Variants in RAPGEF5 observed in about 807,000 individuals in gnomAD.
RAPGEF5 encodes Rap guanine nucleotide exchange factor 5, also known as M-Ras-regulated GEF.
A neutral mutation model predicts 125.2 loss-of-function variants in RAPGEF5; 65 were observed. The observed-to-expected ratio is 0.52, with a 90% CI of 0.43 to 0.64. RAPGEF5 has a LOEUF of 0.64. Ranked by LOEUF, RAPGEF5 falls within the 30% of genes least tolerant of loss-of-function variation. The probability of loss-of-function intolerance (pLI) is 0.00; values close to 1 mark genes in which losing one functional copy is unlikely to be tolerated. For synonymous variants in RAPGEF5, 391 were observed against 385.9 expected, an observed-to-expected ratio of 1.01 and a Z score of -0.16; for missense variants, 958 against 1,048.1, an observed-to-expected ratio of 0.91 and a Z score of 1.19.
chr7:22,349,984 C>T (rs545454006), intron 1 of RAPGEF5, among the ~76,000 whole-genome samples: 20 of 152,292 alleles, frequency 1.3e-4, no homozygotes, highest in African/African-American at 3.6e-4. Flanking sequence ...TGTCCGTACC[C>T]ATTAACGAAT....
intron 7 of RAPGEF5, among the ~76,000 whole-genome samples, chr7:22,242,833 G>A (rs1786368531): frequency 6.6e-6 from 1 of 151,622 alleles, no homozygotes; most frequent in Non-Finnish European, 1.5e-5. Flanking sequence ...TTGGGAGGCT[G>A]AGGCAGGAGA....
rs115759706 is a variant in RAPGEF5, at chr7:22,259,498, T to C, written c.796+7466A>G. Among the ~76,000 whole-genome samples, 1,418 of 152,316 alleles carry C rather than the reference T, an allele frequency of 9.3e-3. 29 individuals are homozygous for C. The highest frequency in any genetic ancestry group is 0.032 in the African/African-American group (1,327 of 41,556). ...TTAACACATGATCTAGCAATCAAAC[T>C]CCTTGGTACTTACCCAAAAGAGATG... On this transcript the variant is annotated intron_variant, in intron 7 of 25. Coordinates refer to ENST00000665637, the MANE Select transcript of RAPGEF5 (RefSeq NM_012294.5).
At chr7:22,142,184 G>T (rs907300898) in intron 20 of RAPGEF5, among the ~76,000 whole-genome samples, 1 of 152,150 alleles carries the variant, frequency 6.6e-6, no homozygotes, top group African/African-American at 2.4e-5. Flanking sequence ...TTCACCTTAG[G>T]ATATGATGGA....
At chr7:22,139,741 G>A (rs1190073090) in intron 21 of RAPGEF5, 2 of 301,876 alleles carry the variant, frequency 6.6e-6, no homozygotes, top group South Asian at 6.4e-5. Context: ...TTCTGAGCAC[G>A]CATCATCATG....
intron 8 of RAPGEF5, among the ~76,000 whole-genome samples, chr7:22,227,589 C>T (rs1785948615): frequency 1.3e-5 from 2 of 152,168 alleles, no homozygotes; most frequent in African/African-American, 2.4e-5. Flanking sequence ...CCTGTAATCT[C>T]GGTACCTGGG....
intron 21 of RAPGEF5, 42 bp from the exon 22 acceptor site, chr7:22,137,025 T>G: frequency 6.8e-7 from 1 of 1,469,606 alleles, no homozygotes; most frequent in Non-Finnish European, 9.3e-7. Flanking sequence ...GTCACAGAAG[T>G]TGGTTATTTT....
At chr7:22,246,698 C>A (rs1405882568) in intron 7 of RAPGEF5, among the ~76,000 whole-genome samples, 1 of 152,110 alleles carries the variant, frequency 6.6e-6, no homozygotes, top group Non-Finnish European at 1.5e-5. Flanking sequence ...CCTTCAAAAG[C>A]AATTGCAGCA....
At chr7:22,356,078 C>G in intron 1 of RAPGEF5, 1 of 985,360 alleles carries the variant, frequency 1.0e-6, no homozygotes, top group Non-Finnish European at 1.2e-6. Context: ...TTAAAGATCC[C>G]AGGAGACAAT....
At chr7:22,220,716 G>GA (rs34262187) in intron 8 of RAPGEF5, among the ~76,000 whole-genome samples, 46,382 of 146,174 alleles carry the variant, frequency 0.32, 7,206 homozygotes, top group Middle Eastern at 0.4. Flanking sequence ...TTTGAAATAG[G>GA]AAAAAAAAAA....
In RAPGEF5 at chr7:22,328,682, T is replaced by C. The variant is rs376677906; in HGVS notation, c.232-10645A>G. On this transcript the variant is annotated intron_variant, in intron 1 of 25. Transcript: ENST00000665637. ...CAGAAAACAGCAAATTAAAATGCTA[T>C]CCCAATGTGTAATACCACCACTTGA... Among the ~76,000 whole-genome samples the C allele has an allele frequency of 3.9e-5, 6 of 152,334 alleles. No individual in the cohort carries two copies. In the South Asian group the frequency reaches 1.0e-3, roughly 26 times the overall value.
chr7:22,209,324 CT>C (rs961365064), intron 9 of RAPGEF5, among the ~76,000 whole-genome samples: 3 of 152,220 alleles, frequency 2.0e-5, no homozygotes, highest in Admixed American at 6.5e-5. Context: ...GGCTCAAGAT[CT>C]TCCTTTTATC....
At chr7:22,308,141 A>G (rs1783386671) in intron 5 of RAPGEF5, among the ~76,000 whole-genome samples, 198 bp downstream of exon 5, 1 of 152,248 alleles carries the variant, frequency 6.6e-6, no homozygotes, top group South Asian at 2.1e-4. Flanking sequence ...GGCTTCTGGG[A>G]TTTAAATACC....
chr7:22,266,892 C>T (rs1782295397), intron 7 of RAPGEF5, 72 bp downstream of exon 7: 1 of 1,442,402 alleles, frequency 6.9e-7, no homozygotes, highest in Non-Finnish European at 9.7e-7. Flanking sequence ...CTCAACTGCA[C>T]ACTACCAGAT....
chr7:22,160,653 T>A (rs772834302), intron 13 of RAPGEF5, 38 bp from the exon 14 acceptor site: 1 of 1,505,596 alleles, frequency 6.6e-7, no homozygotes, highest in South Asian at 1.3e-5. Flanking sequence ...AGTGGTTGAA[T>A]GCCCATTTTG....
At chr7:22,317,025 T>A (rs1783615700) in intron 2 of RAPGEF5, among the ~76,000 whole-genome samples, 1 of 151,150 alleles carries the variant, frequency 6.6e-6, no homozygotes, top group African/African-American at 2.4e-5. Context: ...ACAGAAAGTA[T>A]TACCGAGGAA....
chr7:22,245,069 T>C (rs1786440680), intron 7 of RAPGEF5, among the ~76,000 whole-genome samples: 1 of 152,234 alleles, frequency 6.6e-6, no homozygotes, highest in Non-Finnish European at 1.5e-5. Flanking sequence ...CTCTCATGAA[T>C]AGTAATATTG....
chr7:22,124,494 T>A (rs539307969), intron 25 of RAPGEF5, among the ~76,000 whole-genome samples: 2 of 152,316 alleles, frequency 1.3e-5, no homozygotes, highest in South Asian at 4.1e-4. Flanking sequence ...GAAAACATAA[T>A]CCACACAGAA....
intron 9 of RAPGEF5, among the ~76,000 whole-genome samples, chr7:22,200,020 C>T (rs1339979495): frequency 2.0e-5 from 3 of 152,148 alleles, no homozygotes; most frequent in African/African-American, 4.8e-5. Flanking sequence ...TTCCACTTTT[C>T]TCACAGAAGC....
At chr7:22,206,580 G>A (rs1004591292) in intron 9 of RAPGEF5, among the ~76,000 whole-genome samples, 6 of 151,500 alleles carry the variant, frequency 4.0e-5, no homozygotes, top group African/African-American at 9.7e-5. Context: ...GTACATGCCT[G>A]TAGTCTCAGC....
Sources: allele counts gnomAD v4.1 joint callset (sites outside exome capture counted in the v4.1 genomes callset), GRCh38; gene constraint gnomAD v4.1.1; transcripts MANE v1.5; gene names NCBI Gene and HGNC (gene_info 2026-07-23, HGNC 2026-07-21).